The following ATRX variants were observed in gnomAD, a reference collection of about 807,000 sequenced individuals.
ATRX encodes ATRX chromatin remodeler.
Under a neutral mutation model 172.6 loss-of-function variants are expected in ATRX, and 12 were observed. The ratio of observed to expected loss-of-function variants is 0.07; its 90% CI spans 0.04 to 0.11. The LOEUF is 0.11. Among genes scored for constraint, ATRX ranks in the 10% least tolerant of loss-of-function variants. The pLI is 1.00. For missense variants in ATRX, 1,368 were observed against 1,767.4 expected (o/e 0.77, Z 4.05); for synonymous variants, 674 against 594.7 (o/e 1.13, Z -1.94).
At chrX:77,743,298 A>C (rs1343606657) in intron 1 of ATRX, among the ~76,000 whole-genome samples, 2 of 110,973 alleles carry the variant, frequency 1.8e-5, no homozygotes, top group Non-Finnish European at 3.8e-5. Context: ...GACCAGGCCC[A>C]ACTTCCCCAT....
chrX:77,759,596 C>T (rs1186100144), intron 1 of ATRX, among the ~76,000 whole-genome samples: 3 of 110,271 alleles, frequency 2.7e-5, no homozygotes, highest in African/African-American at 6.6e-5. Context: ...CAGCTGTAAT[C>T]GCAGCTGCTT....
At chrX:77,511,157 C>G (rs2062855241) in intron 34 of ATRX, among the ~76,000 whole-genome samples, 1 of 111,969 alleles carries the variant, frequency 8.9e-6, no homozygotes, top group African/African-American at 3.2e-5. Flanking sequence ...CCTGGTAATC[C>G]AGACAATTCT....
intron 6 of ATRX, chrX:77,691,052 G>A (rs1202226354): frequency 8.9e-6 from 1 of 112,391 alleles, no homozygotes. Flanking sequence ...TACATTTACT[G>A]ACATGAATAC....
At position 77,693,893 on chromosome X, in the gene ATRX, C is replaced by T; in HGVS notation, c.415G>A (p.Asp139Asn). 8.3e-7 allele frequency: 1 copy of T among 1,209,858 alleles called. No homozygotes were observed. Among genetic ancestry groups the T allele is most frequent in the Non-Finnish European group, 1.1e-6 (1 of 894,197 alleles). Residue 139 changes from aspartate (D) to asparagine (N), a missense_variant, in exon 6 of 35, where the codon GAT becomes AAT. Coordinates refer to ENST00000373344, the MANE Select transcript of ATRX (RefSeq NM_000489.6). Reference sequence around the variant, plus strand: ...CTAAATTCAGGCCCTTTAAAATCATCTTTGTCTTCATTCAGCACTGGCTCT... The same window carrying T: ...CTAAATTCAGGCCCTTTAAAATCATTTTTGTCTTCATTCAGCACTGGCTCT... ...QPEPVLNEDK[D>N]DFKGPEFRSR...
At chrX:77,680,855 TTTAA>T (rs1557136369) in intron 9 of ATRX, among the ~76,000 whole-genome samples, 1 of 111,396 alleles carries the variant, frequency 9.0e-6, no homozygotes, top group Admixed American at 9.6e-5. Context: ...TTTTAAAGAT[TTTAA>T]TTAATTCATA....
intron 1 of ATRX, among the ~76,000 whole-genome samples, chrX:77,742,802 T>A (rs2074928759): frequency 9.0e-6 from 1 of 111,525 alleles, no homozygotes; most frequent in Non-Finnish European, 1.9e-5. Context: ...CTGACCCTCT[T>A]AAGCCCTGAA....
At chrX:77,582,629 C>G (rs1209052212) in intron 27 of ATRX, among the ~76,000 whole-genome samples, 2 of 110,463 alleles carry the variant, frequency 1.8e-5, no homozygotes, top group Non-Finnish European at 3.8e-5. Context: ...AGAGAAGACC[C>G]AAAAAAATAA....
chrX:77,746,732 T>C (rs1402278472), intron 1 of ATRX, among the ~76,000 whole-genome samples: 1 of 112,521 alleles, frequency 8.9e-6, no homozygotes. Flanking sequence ...AGAACAGTCA[T>C]AATCTGGGAT....
At chrX:77,530,101 C>T (rs782275335) in intron 30 of ATRX, among the ~76,000 whole-genome samples, 3 of 111,823 alleles carry the variant, frequency 2.7e-5, no homozygotes, top group Non-Finnish European at 5.6e-5. Context: ...GTCTCTTAGA[C>T]CACAGCGCAA....
intron 3 of ATRX, 28 bp downstream of exon 3, chrX:77,698,546 A>G: frequency 1.7e-6 from 2 of 1,183,798 alleles, no homozygotes; most frequent in Non-Finnish European, 2.3e-6. Context: ...ATCGTAACTA[A>G]CAAATATCTC....
intron 27 of ATRX, among the ~76,000 whole-genome samples, chrX:77,576,449 T>C (rs2065621482): frequency 9.1e-6 from 1 of 110,457 alleles, no homozygotes; most frequent in Non-Finnish European, 1.9e-5. Context: ...AAAAACTCAC[T>C]CTAGAAACAA....
chrX:77,523,090 G>A (rs1243349465), intron 31 of ATRX, among the ~76,000 whole-genome samples, 162 bp downstream of exon 31: 1 of 111,454 alleles, frequency 9.0e-6, no homozygotes, highest in Non-Finnish European at 1.9e-5. Flanking sequence ...TACCACTAAA[G>A]GTAGCTGAAA....
At chrX:77,734,019 T>C (rs797023837) in intron 1 of ATRX, among the ~76,000 whole-genome samples, 1 of 108,661 alleles carries the variant, frequency 9.2e-6, no homozygotes, top group Non-Finnish European at 1.9e-5. Context: ...CTGGGCAACA[T>C]GGTGAAACTC....
At chrX:77,731,379 T>C (rs2074291378) in intron 1 of ATRX, among the ~76,000 whole-genome samples, 1 of 111,550 alleles carries the variant, frequency 9.0e-6, no homozygotes, top group African/African-American at 3.3e-5. Flanking sequence ...ACCTGATGGC[T>C]TCACTGCTGA....
chrX:77,691,555 T>C (rs1446367574), intron 6 of ATRX, among the ~76,000 whole-genome samples: 1 of 111,391 alleles, frequency 9.0e-6, no homozygotes, highest in Non-Finnish European at 1.9e-5. Flanking sequence ...TAGGGTATGA[T>C]ACTGAAAATT....
intron 29 of ATRX, 41 bp from the exon 30 acceptor site, chrX:77,557,686 T>C (rs782007814): frequency 3.7e-5 from 41 of 1,102,675 alleles, no homozygotes; most frequent in Non-Finnish European, 4.8e-5. Context: ...AAATAAAATT[T>C]TGTAAGCATG....
At chrX:77,525,140 T>C (rs1405401123) in intron 30 of ATRX, among the ~76,000 whole-genome samples, 2 of 112,376 alleles carry the variant, frequency 1.8e-5, no homozygotes, top group African/African-American at 6.5e-5. Flanking sequence ...AATACATGGA[T>C]GCTAACAGGC....
chrX:77,759,245 C>G, intron 1 of ATRX, among the ~76,000 whole-genome samples: 1 of 111,038 alleles, frequency 9.0e-6, no homozygotes, highest in Non-Finnish European at 1.9e-5. Context: ...CTCAAACTGC[C>G]AGTGGAAGTA....
chrX:77,762,657 A>C (rs1290147338), intron 1 of ATRX, among the ~76,000 whole-genome samples: 1 of 111,352 alleles, frequency 9.0e-6, no homozygotes, highest in Admixed American at 9.7e-5. Context: ...TGAATAAGAA[A>C]ATAAAATGAA....
Sources: gnomAD v4.1 joint callset for allele counts (sites outside exome capture counted in the v4.1 genomes callset) on GRCh38, gnomAD v4.1.1 for gene constraint, MANE v1.5 for transcripts, NCBI Gene and HGNC (gene_info 2026-07-23, HGNC 2026-07-21) for gene names.